The following BCR variants were observed in gnomAD, a reference collection of about 807,000 sequenced individuals.
BCR encodes the protein BCR activator of RhoGEF and GTPase.
In BCR, 58 loss-of-function variants were observed where a neutral mutation model predicts 138.6. The observed-to-expected ratio is 0.42, with a 90% CI of 0.34 to 0.52. The LOEUF is 0.52. Ranked by LOEUF, BCR falls within the 20% of genes least tolerant of loss-of-function variation. The pLI is 0.06. For synonymous variants in BCR, 786 were observed against 730.1 expected (o/e 1.08, Z -1.23); for missense variants, 1,599 against 1,727.2 (o/e 0.93, Z 1.32).
At chr22:23,240,671 A>G (rs1316194816) in intron 1 of BCR, among the ~76,000 whole-genome samples, 1 of 152,062 alleles carries the variant, frequency 6.6e-6, no homozygotes, top group Admixed American at 6.5e-5. Context: ...AAAAAGAAAA[A>G]GAAAAAAAGA....
chr22:23,184,200 C>T (rs547911520), intron 1 of BCR, among the ~76,000 whole-genome samples: 28 of 152,156 alleles, frequency 1.8e-4, no homozygotes, highest in Non-Finnish European at 3.1e-4. Flanking sequence ...GGTGATCCAC[C>T]ACAGCCTTTT....
At chr22:23,310,681 C>T (rs1298524996) in intron 18 of BCR, among the ~76,000 whole-genome samples, 1 of 152,194 alleles carries the variant, frequency 6.6e-6, no homozygotes, top group Non-Finnish European at 1.5e-5. Context: ...GGGTTTTCTG[C>T]CCTTGCTTGG....
At chr22:23,195,420 CAA>C (rs529306820) in intron 1 of BCR, among the ~76,000 whole-genome samples, 21 of 92,280 alleles carry the variant, frequency 2.3e-4, no homozygotes, top group African/African-American at 2.5e-4. Context: ...AACTCCGTCT[CAA>C]AAAAAAAAAA....
At chr22:23,284,335 G>A (rs941513458) in intron 9 of BCR, among the ~76,000 whole-genome samples, 8 of 152,048 alleles carry the variant, frequency 5.3e-5, no homozygotes, top group African/African-American at 1.7e-4. Context: ...CGTGGCTTCC[G>A]GCACTATTGC....
chr22:23,258,786 G>C (rs948803440), intron 2 of BCR, among the ~76,000 whole-genome samples: 1 of 152,216 alleles, frequency 6.6e-6, no homozygotes, highest in Non-Finnish European at 1.5e-5. Context: ...AGATGTCAGC[G>C]GGGCCAACGA....
intron 1 of BCR, among the ~76,000 whole-genome samples, chr22:23,183,595 C>T (rs928699110): frequency 1.3e-5 from 2 of 152,234 alleles, no homozygotes; most frequent in African/African-American, 2.4e-5. Context: ...GCTTTGCAGG[C>T]ACATCAGCTC....
intron 2 of BCR, chr22:23,254,630 C>T (rs534167668): frequency 4.6e-5 from 24 of 517,794 alleles, no homozygotes; most frequent in Admixed American, 2.5e-4. Context: ...CTGGACCGCC[C>T]GGCCCTGCAT....
chr22:23,185,905 A>C (rs563056659), intron 1 of BCR, among the ~76,000 whole-genome samples: 5 of 151,436 alleles, frequency 3.3e-5, no homozygotes, highest in Non-Finnish European at 5.9e-5. Context: ...ATTTTTTTGT[A>C]TTTTTAGTAG....
chr22:23,263,152 GGGAGGA>G, intron 4 of BCR: 1 of 740,488 alleles, frequency 1.4e-6, no homozygotes, highest in Non-Finnish European at 2.1e-6. Flanking sequence ...GCGGCAGCCA[GGGAGGA>G]GGAGGAGGAG....
Position 23,226,839 on chromosome 22 carries a change from T to G in BCR, c.1280-26960T>G, listed in dbSNP as rs76171550. 9.4e-3 allele frequency among the ~76,000 whole-genome samples: 1,430 copies of G among 152,284 alleles called. 18 individuals carry two copies. The highest frequency in any genetic ancestry group is 0.032 in the African/African-American group (1,349 of 41,542). On this transcript the variant is annotated intron_variant, in intron 1 of 22. Transcript: ENST00000305877. ...GAGACATGGAATAGCAGAGTATCTT[T>G]TCAACTAGGTTCAATATGAATGAAC...
intron 20 of BCR, among the ~76,000 whole-genome samples, chr22:23,313,504 G>A (rs938509053): frequency 2.6e-5 from 4 of 152,220 alleles, no homozygotes; most frequent in Admixed American, 1.3e-4. Flanking sequence ...CAGAGGACCT[G>A]GTCTCCCAGC....
At chr22:23,183,403 G>T (rs749131391) in intron 1 of BCR, among the ~76,000 whole-genome samples, 3 of 152,208 alleles carry the variant, frequency 2.0e-5, no homozygotes, top group Non-Finnish European at 4.4e-5. Flanking sequence ...TTGGCTCTTA[G>T]AGCTGCTGCC....
chr22:23,186,067 A>T (rs1329474423), intron 1 of BCR, among the ~76,000 whole-genome samples: 2 of 152,204 alleles, frequency 1.3e-5, no homozygotes, highest in Non-Finnish European at 2.9e-5. Context: ...CTTACAAGTT[A>T]CCGGAAGAGA....
intron 1 of BCR, among the ~76,000 whole-genome samples, chr22:23,231,180 C>T (rs1471158653): frequency 6.6e-6 from 1 of 152,152 alleles, no homozygotes; most frequent in Non-Finnish European, 1.5e-5. Context: ...AGACAATTCC[C>T]TTCCTCTGCT....
At chr22:23,270,480 C>T (rs1042361662) in intron 5 of BCR, among the ~76,000 whole-genome samples, 23 of 152,292 alleles carry the variant, frequency 1.5e-4, no homozygotes, top group Admixed American at 1.4e-3. Flanking sequence ...GAGCCCAGCA[C>T]CTGGTTTTTG....
At position 23,231,937 on chromosome 22, in the gene BCR, G is replaced by A. The variant is rs573643115; in HGVS notation, c.1280-21862G>A. 5.3e-5 allele frequency among the ~76,000 whole-genome samples: 8 copies of A among 152,246 alleles called. No homozygotes were observed. In the South Asian group the frequency reaches 1.5e-3, roughly 28 times the overall value. Reference sequence around the variant, plus strand: ...TCCTTGGTTCCCCTGGCCCTGTCTTGCCTGCCTGTTAACTTTGGGTACCCT... The same window carrying A: ...TCCTTGGTTCCCCTGGCCCTGTCTTACCTGCCTGTTAACTTTGGGTACCCT... On this transcript the variant is annotated intron_variant, in intron 1 of 22. Transcript: ENST00000305877.
chr22:23,274,299 C>G (rs927300054), intron 8 of BCR, among the ~76,000 whole-genome samples: 2 of 152,256 alleles, frequency 1.3e-5, no homozygotes, highest in Non-Finnish European at 2.9e-5. Flanking sequence ...TCTCCTTCCC[C>G]TTCCCCCCCG....
chr22:23,184,269 T>G (rs1207232962), intron 1 of BCR, among the ~76,000 whole-genome samples: 1 of 152,016 alleles, frequency 6.6e-6, no homozygotes, highest in Non-Finnish European at 1.5e-5. Flanking sequence ...ATTTTTTTTT[T>G]TTGTAAATAC....
rs201844367 is a variant in BCR at position 23,219,533 on chromosome 22, ACCGCTGTT to A, written c.1280-34263_1280-34256del. ...CCAGATTCATCCTCACAGGGACCTGACCGCTGTTCCCTTCTCACAAACCTCTGAGTTGC... is the reference window on the plus strand; with the variant it reads ...CCAGATTCATCCTCACAGGGACCTGACCCTTCTCACAAACCTCTGAGTTGC... On this transcript the variant is annotated intron_variant, in intron 1 of 22. Coordinates refer to ENST00000305877, the MANE Select transcript of BCR (RefSeq NM_004327.4). Among the ~76,000 whole-genome samples, 51 of 152,270 alleles carry A rather than the reference ACCGCTGTT, an allele frequency of 3.3e-4. No homozygotes were observed. In the East Asian group the frequency reaches 9.7e-3, roughly 29 times the overall value.
Sources: gnomAD v4.1 joint callset for allele counts (sites outside exome capture counted in the v4.1 genomes callset) on GRCh38, gnomAD v4.1.1 for gene constraint, MANE v1.5 for transcripts, NCBI Gene and HGNC (gene_info 2026-07-23, HGNC 2026-07-21) for gene names.